The following DOK6 variants were observed in gnomAD, a reference collection of about 807,000 sequenced individuals.
The protein encoded by DOK6 is downstream of tyrosine kinase 6.
Under a neutral mutation model 44.0 loss-of-function variants are expected in DOK6, and 22 were observed. The ratio of observed to expected loss-of-function variants is 0.50; its 90% CI spans 0.36 to 0.71. The LOEUF (loss-of-function observed/expected upper bound fraction) is 0.71, where lower values mean the gene tolerates loss of function less well. Ranked by LOEUF, DOK6 falls within the 30% of genes least tolerant of loss-of-function variation. The pLI is 0.00. For synonymous variants in DOK6, 166 were observed against 145.5 expected, an observed-to-expected ratio of 1.14 and a Z score of -1.01; for missense variants, 340 against 416.4, an observed-to-expected ratio of 0.82 and a Z score of 1.60.
chr18:69,460,040 C>T (rs1979744530), intron 1 of DOK6, among the ~76,000 whole-genome samples: 1 of 152,090 alleles, frequency 6.6e-6, no homozygotes, highest in South Asian at 2.1e-4. Context: ...CCAAATGTAG[C>T]CAGTGAGAGC....
chr18:69,765,808 T>G (rs964906773), intron 7 of DOK6, among the ~76,000 whole-genome samples: 1 of 152,168 alleles, frequency 6.6e-6, no homozygotes, highest in African/African-American at 2.4e-5. Context: ...TCTAAGCTTA[T>G]TGCTTGATAT....
intron 2 of DOK6, among the ~76,000 whole-genome samples, chr18:69,586,698 C>T (rs985392838): frequency 6.6e-6 from 1 of 152,196 alleles, no homozygotes; most frequent in Non-Finnish European, 1.5e-5. Context: ...CTGCGGCCCC[C>T]ATCAGATAGC....
chr18:69,747,308 GTTTT>G (rs1429595377), intron 6 of DOK6, among the ~76,000 whole-genome samples: 1 of 152,094 alleles, frequency 6.6e-6, no homozygotes, highest in Admixed American at 6.6e-5. Flanking sequence ...TCAGTTAACA[GTTTT>G]TTTATACAAA....
At chr18:69,707,977 C>T (rs555067877) in intron 5 of DOK6, among the ~76,000 whole-genome samples, 4 of 152,268 alleles carry the variant, frequency 2.6e-5, no homozygotes, top group East Asian at 3.9e-4. Context: ...TTACTCTCCA[C>T]GACGCACAGC....
intron 6 of DOK6, among the ~76,000 whole-genome samples, chr18:69,745,453 G>A (rs914274793): frequency 5.3e-5 from 8 of 152,224 alleles, no homozygotes; most frequent in Non-Finnish European, 1.2e-4. Flanking sequence ...CTTTTCTTTG[G>A]AACAATGCTA....
chr18:69,790,428 T>C (rs1980560285), intron 7 of DOK6, among the ~76,000 whole-genome samples: 1 of 152,166 alleles, frequency 6.6e-6, no homozygotes, highest in African/African-American at 2.4e-5. Flanking sequence ...ACTTAAAGTA[T>C]AATTTTTAAA....
At position 69,698,563 on chromosome 18, in the gene DOK6, A is replaced by G; in HGVS notation, c.569A>G (p.Asp190Gly). ...PLSSLRRYGR[D>G]STWFTFESGR... ...AGCTCACTGAGGAGATACGGTCGGG[A>G]CTCAACGTGGTTCACGTTTGAGTCA... The change falls in exon 5 of 8, where the codon GAC becomes GGC. Residue 190 changes from aspartate (D) to glycine (G), a missense_variant. By Grantham distance (94) the Asp-to-Gly change is moderately conservative. This residue lies in a region of DOK6 where 206 missense variants were observed against 258.6 expected (regional missense o/e 0.80). Coordinates refer to ENST00000382713, the MANE Select transcript of DOK6 (RefSeq NM_152721.6). The G allele has an allele frequency of 3.1e-6, 5 of 1,613,864 alleles. No individual in the cohort carries two copies. Among genetic ancestry groups the G allele is most frequent in the Non-Finnish European group, 4.2e-6 (5 of 1,179,906 alleles).
intron 1 of DOK6, among the ~76,000 whole-genome samples, chr18:69,487,973 C>T (rs928288757): frequency 4.6e-5 from 7 of 152,164 alleles, no homozygotes; most frequent in African/African-American, 1.7e-4. Context: ...CTTCTCAGAA[C>T]CATGGTAAAA....
At chr18:69,774,131 G>GATATATATATATATATAT (rs1212221255) in intron 7 of DOK6, among the ~76,000 whole-genome samples, 1 of 13,858 alleles carries the variant, frequency 7.2e-5, no homozygotes, top group Non-Finnish European at 3.9e-4. Context: ...ATATATATAT[G>GATATATATATATATATAT]AGATATATAT....
At chr18:69,442,212 A>C (rs1055992477) in intron 1 of DOK6, among the ~76,000 whole-genome samples, 3 of 152,168 alleles carry the variant, frequency 2.0e-5, no homozygotes, top group African/African-American at 7.2e-5. Context: ...ATTTGAAAGC[A>C]TATTTTATGT....
At chr18:69,430,461 G>A (rs1020333328) in intron 1 of DOK6, among the ~76,000 whole-genome samples, 1 of 151,926 alleles carries the variant, frequency 6.6e-6, no homozygotes, top group Non-Finnish European at 1.5e-5. Context: ...TATTAAAATA[G>A]CAATCACAAA....
At chr18:69,804,624 G>A (rs1981000720) in intron 7 of DOK6, among the ~76,000 whole-genome samples, 1 of 152,146 alleles carries the variant, frequency 6.6e-6, no homozygotes, top group African/African-American at 2.4e-5. Flanking sequence ...ATTTATCTGT[G>A]TTTATGGATG....
chr18:69,814,048 A>G (rs112271893), intron 7 of DOK6, among the ~76,000 whole-genome samples: 17 of 152,090 alleles, frequency 1.1e-4, no homozygotes, highest in Non-Finnish European at 1.6e-4. Flanking sequence ...CACCAGCAGA[A>G]GAAGGCCAGG....
chr18:69,744,264 C>T (rs1486393669), intron 6 of DOK6, among the ~76,000 whole-genome samples: 5 of 150,360 alleles, frequency 3.3e-5, no homozygotes, highest in Admixed American at 2.7e-4. Context: ...GAGCCGAGAT[C>T]GCACCATTGC....
At chr18:69,701,673 G>T (rs1307527693) in intron 5 of DOK6, among the ~76,000 whole-genome samples, 1 of 152,222 alleles carries the variant, frequency 6.6e-6, no homozygotes, top group South Asian at 2.1e-4. Context: ...GTAGAAAATT[G>T]GTGCTTAAAA....
Position 69,512,115 on chromosome 18 carries a change from G to A in DOK6, c.67-52372G>A, listed in dbSNP as rs116663350. On this transcript the variant is annotated intron_variant, in intron 1 of 7. Coordinates refer to ENST00000382713, the MANE Select transcript of DOK6 (RefSeq NM_152721.6). Reference sequence around the variant, plus strand: ...GCACCCCCCCACACACAATCTTTAGGTTTAAAATATATTTTATTTTTGTGG... The same window carrying A: ...GCACCCCCCCACACACAATCTTTAGATTTAAAATATATTTTATTTTTGTGG... Among the ~76,000 whole-genome samples the A allele has an allele frequency of 1.2e-3, 163 of 138,240 alleles. 2 individuals carry two copies. Among genetic ancestry groups the A allele is most frequent in the African/African-American group, 4.1e-3 (149 of 36,272 alleles). The allele number at this position is 138,240 out of a possible 152,430, so 90.7% of individuals were successfully genotyped here. A position where few individuals can be genotyped will look rare whatever the true frequency, so the allele number is the denominator to read the frequency against.
At chr18:69,505,407 G>GA (rs1192914478) in intron 1 of DOK6, among the ~76,000 whole-genome samples, 2 of 151,044 alleles carry the variant, frequency 1.3e-5, no homozygotes, top group African/African-American at 4.9e-5. Context: ...AATGCTGTGG[G>GA]AAAAAACCTG....
At chr18:69,422,359 G>T (rs1191769325) in intron 1 of DOK6, among the ~76,000 whole-genome samples, 1 of 152,170 alleles carries the variant, frequency 6.6e-6, no homozygotes, top group Non-Finnish European at 1.5e-5. Context: ...TCAGTGTCCA[G>T]ATTGGCATAC....
chr18:69,668,692 T>C (rs1186909982), intron 3 of DOK6, among the ~76,000 whole-genome samples: 1 of 152,192 alleles, frequency 6.6e-6, no homozygotes, highest in African/African-American at 2.4e-5. Context: ...ATCGGGATGA[T>C]GTATAAGAGT....
Sources: allele counts gnomAD v4.1 joint callset (sites outside exome capture counted in the v4.1 genomes callset), GRCh38; gene constraint gnomAD v4.1.1; regional missense constraint gnomAD v4.1.1; transcripts MANE v1.5; gene names NCBI Gene and HGNC (gene_info 2026-07-23, HGNC 2026-07-21).